NDFIP2: variants seen among roughly 807,000 people sequenced by gnomAD.
The protein encoded by NDFIP2 is NEDD4 family-interacting protein 2.
A neutral mutation model predicts 36.0 loss-of-function variants in NDFIP2; 19 were observed. The observed-to-expected ratio is 0.53, with a 90% CI of 0.37 to 0.77. The LOEUF is 0.77. NDFIP2 is among the 30% of genes least tolerant of loss of function. The pLI is 0.00. For synonymous variants in NDFIP2, 181 were observed against 167.7 expected (o/e 1.08, Z -0.61); for missense variants, 446 against 435.8 (o/e 1.02, Z -0.21).
chr13:79,499,183 T>TAA (rs1873560879), intron 1 of NDFIP2, among the ~76,000 whole-genome samples: 1 of 151,880 alleles, frequency 6.6e-6, no homozygotes, highest in Non-Finnish European at 1.5e-5. Context: ...GAAAAAGCAT[T>TAA]AAAGTCCAAC....
intron 5 of NDFIP2, among the ~76,000 whole-genome samples, chr13:79,547,872 CTCT>C (rs1005477438): frequency 3.3e-5 from 5 of 152,068 alleles, no homozygotes; most frequent in African/African-American, 9.7e-5. Context: ...AGGTCAAAAG[CTCT>C]TCTTTTGGAG....
intron 1 of NDFIP2, among the ~76,000 whole-genome samples, chr13:79,519,623 GTC>G (rs1874484950): frequency 6.6e-6 from 1 of 152,164 alleles, no homozygotes; most frequent in South Asian, 2.1e-4. Flanking sequence ...GATAATAACA[GTC>G]TCTGTCTCCT....
Position 79,555,099 on chromosome 13 carries a change from ACATG to A in NDFIP2, c.*2588_*2591del, listed in dbSNP as rs1876059794. 6.6e-6 allele frequency: 1 copy of A among 151,594 alleles called. No individual in the cohort carries two copies. Among genetic ancestry groups the A allele is most frequent in the Admixed American group, 6.6e-5 (1 of 15,156 alleles). The allele number at this position is 151,594 out of a possible 1,614,324, so 9.4% of individuals were successfully genotyped here. On this transcript the variant is annotated 3_prime_UTR_variant, in exon 8 of 8. Coordinates refer to ENST00000218652, the MANE Select transcript of NDFIP2 (RefSeq NM_019080.3). ...GTCTATAAGATATATTTCATTTTAG[ACATG>A]CCTTCTAAGTTGTTCACAGATTTTT...
chr13:79,481,770 C>G (rs548056449), intron 1 of NDFIP2, among the ~76,000 whole-genome samples: 2 of 151,996 alleles, frequency 1.3e-5, no homozygotes, highest in Non-Finnish European at 2.9e-5. Flanking sequence ...ACCCTTAGCC[C>G]CGCTGTGAGA....
chr13:79,500,762 A>G (rs780800056), intron 1 of NDFIP2, among the ~76,000 whole-genome samples: 36 of 152,026 alleles, frequency 2.4e-4, no homozygotes, highest in Non-Finnish European at 1.0e-4. Flanking sequence ...AGTTTCTTAT[A>G]AAGCTAAACA....
intron 7 of NDFIP2, among the ~76,000 whole-genome samples, chr13:79,551,721 G>T (rs1226800964): frequency 6.6e-6 from 1 of 151,434 alleles, no homozygotes; most frequent in Admixed American, 6.6e-5. Flanking sequence ...AGTAGAAGTT[G>T]TCTTACTGGT....
intron 6 of NDFIP2, among the ~76,000 whole-genome samples, chr13:79,550,226 A>G (rs936044855): frequency 7.9e-5 from 12 of 151,906 alleles, no homozygotes; most frequent in Admixed American, 3.9e-4. Context: ...AATGTTTTAT[A>G]CTTATCTAAT....
intron 5 of NDFIP2, among the ~76,000 whole-genome samples, chr13:79,544,415 A>G (rs1875578445): frequency 6.6e-6 from 1 of 151,842 alleles, no homozygotes; most frequent in African/African-American, 2.4e-5. Flanking sequence ...TTGCATAGGC[A>G]TTAGTGTTGT....
intron 1 of NDFIP2, among the ~76,000 whole-genome samples, chr13:79,511,272 G>A (rs997462942): frequency 2.0e-5 from 3 of 152,152 alleles, no homozygotes; most frequent in African/African-American, 7.2e-5. Context: ...TTATGTCAAA[G>A]ACGTATAATT....
intron 1 of NDFIP2, among the ~76,000 whole-genome samples, chr13:79,481,926 G>A (rs967712219): frequency 6.6e-6 from 1 of 152,164 alleles, no homozygotes; most frequent in African/African-American, 2.4e-5. Context: ...TGCCCGGAAG[G>A]TGATCGCCGT....
chr13:79,481,829 C>G (rs2079815431), intron 1 of NDFIP2, among the ~76,000 whole-genome samples: 1 of 152,126 alleles, frequency 6.6e-6, no homozygotes, highest in Admixed American at 6.5e-5. Flanking sequence ...TAATTTCTCA[C>G]TTTATCATTT....
At chr13:79,547,999 T>C (rs1594861118) in intron 5 of NDFIP2, among the ~76,000 whole-genome samples, 1 of 151,978 alleles carries the variant, frequency 6.6e-6, no homozygotes, top group East Asian at 1.9e-4. Flanking sequence ...TTTTGAGAGA[T>C]TATGAAAAAA....
chr13:79,503,555 C>A (rs565458336), intron 1 of NDFIP2, among the ~76,000 whole-genome samples: 1 of 152,010 alleles, frequency 6.6e-6, no homozygotes, highest in African/African-American at 2.4e-5. Flanking sequence ...GGATAAGGAA[C>A]CAAGTTGTAT....
chr13:79,500,728 A>T (rs955239220), intron 1 of NDFIP2, among the ~76,000 whole-genome samples: 1 of 152,026 alleles, frequency 6.6e-6, no homozygotes, highest in Non-Finnish European at 1.5e-5. Flanking sequence ...AGACTGATAT[A>T]GCCACATGGG....
intron 4 of NDFIP2, among the ~76,000 whole-genome samples, chr13:79,542,631 A>G (rs1594859262): frequency 6.6e-6 from 1 of 152,026 alleles, no homozygotes; most frequent in African/African-American, 2.4e-5. Context: ...AGCACCTACC[A>G]TATACAAGTC....
chr13:79,501,277 C>T (rs1566656313), intron 1 of NDFIP2, among the ~76,000 whole-genome samples: 1 of 151,862 alleles, frequency 6.6e-6, no homozygotes, highest in Non-Finnish European at 1.5e-5. Flanking sequence ...GGAAACAGCG[C>T]CAAGAGTGAC....
intron 1 of NDFIP2, among the ~76,000 whole-genome samples, chr13:79,516,139 C>G (rs1306421395): frequency 6.6e-6 from 1 of 152,152 alleles, no homozygotes; most frequent in Non-Finnish European, 1.5e-5. Flanking sequence ...TATGCTCACT[C>G]TAGTTATACC....
At chr13:79,544,754 T>G (rs1875598000) in intron 5 of NDFIP2, among the ~76,000 whole-genome samples, 1 of 152,100 alleles carries the variant, frequency 6.6e-6, no homozygotes. Flanking sequence ...TGAAGTTGAT[T>G]TAAAAGTACC....
intron 1 of NDFIP2, among the ~76,000 whole-genome samples, chr13:79,501,967 C>G (rs1873684865): frequency 6.6e-6 from 1 of 152,066 alleles, no homozygotes; most frequent in Non-Finnish European, 1.5e-5. Context: ...GGCCTTGCCT[C>G]AGAATTTCTA....
Sources: gnomAD v4.1 joint callset for allele counts (sites outside exome capture counted in the v4.1 genomes callset) on GRCh38, gnomAD v4.1.1 for gene constraint, MANE v1.5 for transcripts, NCBI Gene and HGNC (gene_info 2026-07-23, HGNC 2026-07-21) for gene names.